The following MAPKBP1 variants were observed in gnomAD, a reference collection of about 807,000 sequenced individuals.
MAPKBP1 encodes the protein mitogen-activated protein kinase binding protein 1, also known as mitogen-activated protein kinase-binding protein 1.
In MAPKBP1, 71 loss-of-function variants were observed where a neutral mutation model predicts 170.5. The observed-to-expected ratio is 0.42, with a 90% CI of 0.34 to 0.51. The LOEUF is 0.51. MAPKBP1 is among the 20% of genes least tolerant of loss of function. The probability of loss-of-function intolerance (pLI) is 0.06; values close to 1 mark genes in which losing one functional copy is unlikely to be tolerated. For missense variants in MAPKBP1, 1,598 were observed against 1,933.0 expected, an observed-to-expected ratio of 0.83 and a Z score of 3.25; for synonymous variants, 719 against 757.9, an observed-to-expected ratio of 0.95 and a Z score of 0.84.
rs1413688374 is a variant in MAPKBP1, at chr15:41,822,818, A to G, written c.3315-121A>G. 3.4e-6 allele frequency: 5 copies of G among 1,472,200 alleles called. No homozygotes were observed. In the East Asian group the frequency reaches 1.1e-4, roughly 34 times the overall value. The allele number at this position is 1,472,200 out of a possible 1,614,324, so 91.2% of individuals were successfully genotyped here. A position where few individuals can be genotyped will look rare whatever the true frequency, so the allele number is the denominator to read the frequency against. On this transcript the variant is annotated intron_variant, in intron 27 of 30. Transcript: ENST00000457542. ...GTTTTGGGCTAACTGGCCTTTCCCCAGCCCTATCTGGCTTTGTGCTTGTTC... is the reference window on the plus strand; with the variant it reads ...GTTTTGGGCTAACTGGCCTTTCCCCGGCCCTATCTGGCTTTGTGCTTGTTC...
chr15:41,805,303 C>G (rs1218332821), intron 3 of MAPKBP1, among the ~76,000 whole-genome samples: 1 of 152,210 alleles, frequency 6.6e-6, no homozygotes, highest in Non-Finnish European at 1.5e-5. Flanking sequence ...GGATGCCAGA[C>G]AGCCCCTTTG....
In MAPKBP1 at chr15:41,818,939, G is replaced by A. The variant is rs1567153044; in HGVS notation, c.2273G>A (p.Arg758Lys). ...GKQQGPSSPQ[R>K]ASGPNRHQAP... ...CAGCAAGGACCATCCTCTCCCCAAA[G>A]GGCTTCTGGACCCAACCGGTGAGAA... The change falls in exon 20 of 31, where the codon AGG becomes AAG. Residue 758 changes from arginine to lysine, a missense_variant. Coordinates refer to ENST00000457542, the MANE Select transcript of MAPKBP1 (RefSeq NM_014994.3). The surrounding 1 kb of genome is among the most constrained non-coding windows in gnomAD (Gnocchi z 5.2). The A allele has an allele frequency of 6.2e-7, 1 of 1,614,154 alleles. No homozygotes were observed. Among genetic ancestry groups the A allele is most frequent in the South Asian group, 1.1e-5 (1 of 91,088 alleles).
At chr15:41,784,340 C>T (rs993216149) in intron 2 of MAPKBP1, among the ~76,000 whole-genome samples, 8 of 152,004 alleles carry the variant, frequency 5.3e-5, no homozygotes, top group African/African-American at 1.9e-4. Context: ...GTGAAAAGAG[C>T]TTCTCAAGAG....
chr15:41,813,719 C>T lies in MAPKBP1; in HGVS notation c.918C>T (p.Phe306=), dbSNP rs1372484511. The change falls in exon 9 of 31, where the codon TTC becomes TTT. Residue 306 remains phenylalanine, a synonymous_variant. Coordinates refer to ENST00000457542, the MANE Select transcript of MAPKBP1 (RefSeq NM_014994.3). ...VRLFNPSNLH[F]LSTLPRPHAL... is the part of the protein sequence containing the mutation. ...TTTTCAACCCCTCTAACCTGCACTTCCTTAGCACCTTGCCCCGACCCCATG... is the reference window on the plus strand; with the variant it reads ...TTTTCAACCCCTCTAACCTGCACTTTCTTAGCACCTTGCCCCGACCCCATG... The T allele has an allele frequency of 4.3e-6, 7 of 1,613,682 alleles. No homozygotes were observed. Among genetic ancestry groups the T allele is most frequent in the Non-Finnish European group, 5.9e-6 (7 of 1,179,896 alleles).
chr15:41,815,681 C>G lies in MAPKBP1; in HGVS notation c.1375C>G (p.Leu459Val). 6.2e-7 allele frequency: 1 copy of G among 1,614,126 alleles called. No homozygotes were observed. Among genetic ancestry groups the G allele is most frequent in the South Asian group, 1.1e-5 (1 of 91,044 alleles). ...GNTQALLDTELPGGDKADASL... is the reference protein window; with the variant it reads ...GNTQALLDTEVPGGDKADASL... ...CACCCAGGCCCTGCTGGACACAGAG[C>G]TGCCTGGAGGAGACAAAGCTGATGC... is the stretch of plus-strand genomic sequence containing the variant. Residue 459 changes from leucine (L) to valine (V), a missense_variant, in exon 12 of 31, where the codon CTG becomes GTG. By Grantham distance (32) the Leu-to-Val change is conservative. This residue lies in a region of MAPKBP1 where 430 missense variants were observed against 617.2 expected (regional missense o/e 0.70). Coordinates refer to ENST00000457542, the MANE Select transcript of MAPKBP1 (RefSeq NM_014994.3).
At position 41,774,618 on chromosome 15, in the gene MAPKBP1, T is replaced by C; in HGVS notation, c.-110+8T>C. On this transcript the variant is annotated splice_region_variant and intron_variant, in intron 1 of 30. Transcript: ENST00000457542. ...CTTAGCTCGCCGAGGCTGGTGAGGCTGGGCCCGAACGGGGGCGCTGACGAG... is the reference window on the plus strand; with the variant it reads ...CTTAGCTCGCCGAGGCTGGTGAGGCCGGGCCCGAACGGGGGCGCTGACGAG... 1 of 398,694 alleles carries C rather than the reference T, an allele frequency of 2.5e-6. No homozygotes were observed. The allele number at this position is 398,694 out of a possible 1,614,324, so 24.7% of individuals were successfully genotyped here.
At chr15:41,815,438 C>T in intron 11 of MAPKBP1, 33 bp downstream of exon 11, 2 of 1,610,106 alleles carry the variant, frequency 1.2e-6, no homozygotes, top group Non-Finnish European at 1.7e-6. Context: ...CCCGCTTCAC[C>T]CTCAGTGCCC....
chr15:41,823,940 C>T lies in MAPKBP1; in HGVS notation c.4092C>T (p.Ala1364=). 1.9e-6 allele frequency: 3 copies of T among 1,614,104 alleles called. No homozygotes were observed. Among genetic ancestry groups the T allele is most frequent in the Non-Finnish European group, 2.5e-6 (3 of 1,180,018 alleles). Residue 1364 remains alanine (A), a synonymous_variant, in exon 29 of 31, where the codon GCC becomes GCT. Transcript: ENST00000457542. ...ATCCTGGGCCCAGCAGCCCCTGTGC[C>T]CAGCAACTGCCAGTCAGCAGCCTCT... ...QAHPGPSSPC[A]QQLPVSSLFQ... is the part of the protein sequence containing the mutation.
chr15:41,813,622 C>G lies in MAPKBP1; in HGVS notation c.821C>G (p.Thr274Ser). The G allele has an allele frequency of 6.2e-7, 1 of 1,613,810 alleles. No homozygotes were observed. The highest frequency in any genetic ancestry group is 8.5e-7 in the Non-Finnish European group (1 of 1,179,892). ...RLLDKWVELR[T>S]TVAHCISVSQ... is the part of the protein sequence containing the mutation. Reference sequence around the variant, plus strand: ...TGAGCTGAGCCACTCTGCCCACAGACCACAGTGGCCCACTGCATCTCTGTG... The same window carrying G: ...TGAGCTGAGCCACTCTGCCCACAGAGCACAGTGGCCCACTGCATCTCTGTG... The change falls in exon 9 of 31, where the codon ACC becomes AGC. Residue 274 changes from threonine (T) to serine (S), a missense_variant and splice_region_variant. Thr to Ser is a moderately conservative substitution (Grantham distance 58). Around this residue, in one of 6 missense-constraint regions of MAPKBP1, gnomAD observed 430 missense variants for 617.2 expected, o/e 0.70. Transcript: ENST00000457542.
chr15:41,786,533 G>C (rs2064291309), intron 2 of MAPKBP1, among the ~76,000 whole-genome samples: 1 of 151,678 alleles, frequency 6.6e-6, no homozygotes, highest in Non-Finnish European at 1.5e-5. Context: ...GGGAGGCCAA[G>C]GCGGGCGGAT....
chr15:41,809,092 GA>G (rs1161240528), intron 3 of MAPKBP1, among the ~76,000 whole-genome samples: 1 of 121,052 alleles, frequency 8.3e-6, no homozygotes, highest in Non-Finnish European at 1.8e-5. Context: ...AAAAAAAAAT[GA>G]AGGAAGGGCT....
At chr15:41,813,932 T>A (rs1596089052) in intron 9 of MAPKBP1, 151 bp downstream of exon 9, 2 of 926,182 alleles carry the variant, frequency 2.2e-6, no homozygotes, top group Non-Finnish European at 3.1e-6. Context: ...GGTTTATTGG[T>A]ACTTGTTGCA....
At chr15:41,795,364 G>T (rs2064470238) in intron 2 of MAPKBP1, among the ~76,000 whole-genome samples, 1 of 151,992 alleles carries the variant, frequency 6.6e-6, no homozygotes, top group Admixed American at 6.6e-5. Context: ...AGGACCTGAG[G>T]CTACAATTGG....
intron 3 of MAPKBP1, 103 bp downstream of exon 3, chr15:41,800,017 T>A (rs1596076906): frequency 1.1e-6 from 1 of 937,924 alleles, no homozygotes; most frequent in East Asian, 2.4e-5. Context: ...GGAAGATAGA[T>A]ACAGGTTAAT....
rs1044444439 is a variant in MAPKBP1 at position 41,818,976 on chromosome 15, C to A, written c.2291+19C>A. On this transcript the variant is annotated intron_variant, in intron 20 of 30. Coordinates refer to ENST00000457542, the MANE Select transcript of MAPKBP1 (RefSeq NM_014994.3). This position sits in a 1 kb window ranked among gnomAD's most constrained non-coding sequence, Gnocchi z 5.2. ...CCAACCGGTGAGAACAGAATGTGGG[C>A]AAGTGATGGGTGGGTGTGCAGATGG... The A allele has an allele frequency of 1.9e-6, 3 of 1,612,186 alleles. No individual in the cohort carries two copies. The highest frequency in any genetic ancestry group is 2.5e-6 in the Non-Finnish European group (3 of 1,178,754).
chr15:41,803,413 C>CAAAAAAAAAA (rs1166671811), intron 3 of MAPKBP1, among the ~76,000 whole-genome samples: 2 of 11,268 alleles, frequency 1.8e-4, no homozygotes, highest in African/African-American at 2.8e-4. Flanking sequence ...GACTCCATCT[C>CAAAAAAAAAA]AAAAAAAAAA....
intron 12 of MAPKBP1, 43 bp from the exon 13 acceptor site, chr15:41,816,516 C>T (rs188684862): frequency 1.8e-4 from 251 of 1,410,256 alleles, no homozygotes; most frequent in Admixed American, 3.5e-4. Context: ...GTCCTTCCTG[C>T]GGCCTGGCCA....
chr15:41,801,067 A>G (rs769396989), intron 3 of MAPKBP1, among the ~76,000 whole-genome samples: 2 of 152,262 alleles, frequency 1.3e-5, no homozygotes, highest in African/African-American at 2.4e-5. Flanking sequence ...TCTATGTCAC[A>G]GCATGTATCG....
At chr15:41,796,049 TG>T (rs1200161877) in intron 2 of MAPKBP1, among the ~76,000 whole-genome samples, 1 of 152,212 alleles carries the variant, frequency 6.6e-6, no homozygotes, top group African/African-American at 2.4e-5. Flanking sequence ...AGTGGCATGG[TG>T]GTAAATAGTT....
Sources: gnomAD v4.1 joint callset for allele counts (sites outside exome capture counted in the v4.1 genomes callset) on GRCh38, gnomAD v4.1.1 for gene constraint, gnomAD v4.1.1 regional missense constraint, Gnocchi (gnomAD v3.1) non-coding constraint, MANE v1.5 for transcripts, NCBI Gene and HGNC (gene_info 2026-07-23, HGNC 2026-07-21) for gene names.